XKR3: variants seen among roughly 807,000 people sequenced by gnomAD.
XKR3 encodes XK-related protein 3.
XKR3 carries 27 observed loss-of-function variants against 40.3 expected under a neutral mutation model. The observed-to-expected ratio is 0.67, with a 90% confidence interval of 0.49 to 0.92. XKR3 has a LOEUF of 0.92. Among genes scored for constraint, XKR3 ranks in the 40% least tolerant of loss-of-function variants. XKR3 has a pLI of 0.00. For synonymous variants in XKR3, 193 were observed against 195.4 expected (o/e 0.99, Z 0.10); for missense variants, 472 against 537.6 (o/e 0.88, Z 1.21).
chr22:16,794,563 G>A (rs773030463), intron 3 of XKR3, among the ~76,000 whole-genome samples: 230 of 152,248 alleles, frequency 1.5e-3, no homozygotes, highest in Admixed American at 3.0e-3. Flanking sequence ...CATCCTCAAG[G>A]GAATGCCAAA....
intron 3 of XKR3, among the ~76,000 whole-genome samples, chr22:16,794,374 A>G (rs1201015788): frequency 2.6e-5 from 4 of 152,208 alleles, no homozygotes; most frequent in Non-Finnish European, 5.9e-5. Context: ...CACCATCAGG[A>G]TGGCAGCAGA....
At chr22:16,811,227 G>A (rs766747741) in intron 1 of XKR3, among the ~76,000 whole-genome samples, 6 of 151,236 alleles carry the variant, frequency 4.0e-5, no homozygotes, top group Admixed American at 3.3e-4. Context: ...GGGTTCAGGC[G>A]ATTTCCTGCC....
intron 1 of XKR3, among the ~76,000 whole-genome samples, chr22:16,824,418 A>T (rs1217988336): frequency 6.6e-6 from 1 of 152,174 alleles, no homozygotes; most frequent in East Asian, 1.9e-4. Flanking sequence ...TAAGTGAGTA[A>T]GAAAAGCAGA....
chr22:16,796,405 C>A (rs540938200), intron 3 of XKR3, among the ~76,000 whole-genome samples: 1 of 152,110 alleles, frequency 6.6e-6, no homozygotes, highest in Non-Finnish European at 1.5e-5. Context: ...GGCAGAGACA[C>A]AAGAAAACTT....
At position 16,807,429 on chromosome 22, in the gene XKR3, G is replaced by A. The variant is rs1442199655; in HGVS notation, c.335+310C>T. 3.9e-5 allele frequency among the ~76,000 whole-genome samples: 6 copies of A among 152,012 alleles called. No individual in the cohort carries two copies. In the East Asian group the frequency reaches 9.6e-4, roughly 24 times the overall value. On this transcript the variant is annotated intron_variant, in intron 2 of 3. Transcript: ENST00000684488. ...CCTTAATTTAAGGTTATAGTTCTAG[G>A]CCTCATAACTATTTAAAATGCCCAT...
Position 16,784,207 on chromosome 22 carries a change from G to T in XKR3, c.792C>A (p.Ser264Arg), listed in dbSNP as rs1321671864. The change falls in exon 4 of 4, where the codon AGC (serine) becomes AGA (arginine). Residue 264 changes from serine (S) to arginine (R), a missense_variant. Physicochemically the swap from Ser to Arg is moderately radical, Grantham distance 110. Transcript: ENST00000684488. ...AATATATGATTAACAAAACGGGTAG[G>T]CTCTTCAGTTTCAGAGATGCAATGA... ...AFFIASLKLK[S>R]LPVLLIIYFV... 1.2e-6 allele frequency: 2 copies of T among 1,614,042 alleles called. No individual in the cohort carries two copies. Among genetic ancestry groups the T allele is most frequent in the Non-Finnish European group, 1.7e-6 (2 of 1,180,032 alleles).
chr22:16,797,305 C>A (rs1385625839), intron 3 of XKR3, among the ~76,000 whole-genome samples: 5 of 151,994 alleles, frequency 3.3e-5, no homozygotes, highest in African/African-American at 1.2e-4. Flanking sequence ...TTGCATAAAA[C>A]ACAAAAATAG....
intron 1 of XKR3, among the ~76,000 whole-genome samples, chr22:16,824,934 A>G (rs1447562084): frequency 6.6e-6 from 1 of 152,210 alleles, no homozygotes; most frequent in African/African-American, 2.4e-5. Flanking sequence ...GATTAAGTGA[A>G]CTTGTTTCTT....
chr22:16,784,270 A>G lies in XKR3; in HGVS notation c.729T>C (p.Phe243=). The G allele has an allele frequency of 6.2e-7, 1 of 1,614,232 alleles. No individual in the cohort carries two copies. Reference sequence around the variant, plus strand: ...TCACTACACGTGAGATAACCTCCAAAAAACGCCACATCACGACACAGAAGA... The same window carrying G: ...TCACTACACGTGAGATAACCTCCAAGAAACGCCACATCACGACACAGAAGA... The part of the protein sequence containing the change: ...IEFFCVVMWR[F]LEVISRVVTL... The change falls in exon 4 of 4, where the codon TTT becomes TTC. Residue 243 remains phenylalanine, a synonymous_variant. Transcript: ENST00000684488.
In XKR3 at chr22:16,797,812, G is replaced by A. The variant is rs568624229; in HGVS notation, c.589+1959C>T. On this transcript the variant is annotated intron_variant, in intron 3 of 3. Transcript: ENST00000684488. ...TGTCTCAAAAAAAAAAAAAAAAATA[G>A]GTAAAAGAAAATGAACAGATACTTC... Among the ~76,000 whole-genome samples the A allele has an allele frequency of 7.1e-4, 104 of 146,082 alleles. No homozygotes were observed. In the Middle Eastern group the frequency reaches 0.012, roughly 17 times the overall value.
intron 3 of XKR3, among the ~76,000 whole-genome samples, chr22:16,791,229 T>C (rs2060114324): frequency 6.6e-6 from 1 of 151,698 alleles, no homozygotes; most frequent in African/African-American, 2.4e-5. Context: ...TAAAAAAGAA[T>C]GAAATTCTCA....
At chr22:16,814,786 A>G (rs984873140) in intron 1 of XKR3, among the ~76,000 whole-genome samples, 8 of 152,096 alleles carry the variant, frequency 5.3e-5, no homozygotes, top group Non-Finnish European at 1.0e-4. Context: ...GTGTAGGTAT[A>G]TAATTGACTT....
At chr22:16,799,688 A>G (rs540965162) in intron 3 of XKR3, 83 bp downstream of exon 3, 5 of 1,469,022 alleles carry the variant, frequency 3.4e-6, no homozygotes, top group East Asian at 4.6e-5. Context: ...TTGGGATTAC[A>G]TATTTCAACT....
intron 3 of XKR3, among the ~76,000 whole-genome samples, chr22:16,792,050 T>C (rs1201745776): frequency 6.6e-6 from 1 of 152,136 alleles, no homozygotes; most frequent in Non-Finnish European, 1.5e-5. Context: ...CAAGCCATTC[T>C]CTTGCCTCAG....
intron 3 of XKR3, among the ~76,000 whole-genome samples, chr22:16,798,933 A>C (rs5748646): frequency 0.11 from 16,596 of 152,074 alleles, 1,288 homozygotes; most frequent in African/African-American, 0.21. Context: ...TGGGATCCAT[A>C]CTCCAAACCT....
rs1270329924 is a variant in XKR3, at chr22:16,783,702, T to C, written c.1297A>G (p.Lys433Glu). 2 of 1,613,916 alleles carry C rather than the reference T, an allele frequency of 1.2e-6. No individual in the cohort carries two copies. Among genetic ancestry groups the C allele is most frequent in the Non-Finnish European group, 1.7e-6 (2 of 1,180,020 alleles). ...YVNIEKTEKNKNKQLRNYCHS... is the reference protein window; with the variant it reads ...YVNIEKTEKNENKQLRNYCHS... Reference sequence around the variant, plus strand: ...CAGTAATTCCTCAGCTGCTTATTTTTATTCTTTTCAGTTTTCTCGATGTTT... The same window carrying C: ...CAGTAATTCCTCAGCTGCTTATTTTCATTCTTTTCAGTTTTCTCGATGTTT... Residue 433 changes from lysine to glutamate, a missense_variant, in exon 4 of 4, where the codon AAA (lysine) becomes GAA (glutamate). Coordinates refer to ENST00000684488, the MANE Select transcript of XKR3 (RefSeq NM_001386955.1).
At chr22:16,795,644 T>G (rs1473773298) in intron 3 of XKR3, among the ~76,000 whole-genome samples, 2 of 151,664 alleles carry the variant, frequency 1.3e-5, no homozygotes, top group South Asian at 2.1e-4. Context: ...AATAAATAAA[T>G]GGATAGTGTG....
chr22:16,819,776 C>T (rs2060248342), intron 1 of XKR3, among the ~76,000 whole-genome samples: 1 of 152,036 alleles, frequency 6.6e-6, no homozygotes, highest in Non-Finnish European at 1.5e-5. Flanking sequence ...CAAATCAAAA[C>T]TTAAAACTTC....
At chr22:16,797,438 A>G (rs1392170738) in intron 3 of XKR3, among the ~76,000 whole-genome samples, 1 of 152,256 alleles carries the variant, frequency 6.6e-6, no homozygotes, top group Non-Finnish European at 1.5e-5. Flanking sequence ...CAAAGGCTTA[A>G]GATCCAGAAT....
Sources: allele counts gnomAD v4.1 joint callset (sites outside exome capture counted in the v4.1 genomes callset), GRCh38; gene constraint gnomAD v4.1.1; transcripts MANE v1.5; gene names NCBI Gene and HGNC (gene_info 2026-07-23, HGNC 2026-07-21).